KY: variants seen among roughly 807,000 people sequenced by gnomAD.
KY encodes the protein kyphoscoliosis peptidase.
A neutral mutation model predicts 76.1 loss-of-function variants in KY; 43 were observed. The ratio of observed to expected loss-of-function variants is 0.57; its 90% CI spans 0.44 to 0.73. The LOEUF is 0.73. KY is among the 30% of genes least tolerant of loss of function. The probability of loss-of-function intolerance (pLI) is 0.00; values close to 1 mark genes in which losing one functional copy is unlikely to be tolerated. For missense variants in KY, 722 were observed against 828.9 expected (o/e 0.87, Z 1.58); for synonymous variants, 277 against 326.2 (o/e 0.85, Z 1.63).
At chr3:134,635,383 G>A (rs756983154) in intron 3 of KY, among the ~76,000 whole-genome samples, 1 of 150,964 alleles carries the variant, frequency 6.6e-6, no homozygotes, top group Non-Finnish European at 1.5e-5. Flanking sequence ...TGTAACCCCA[G>A]CTACTCGGGA....
intron 3 of KY, among the ~76,000 whole-genome samples, chr3:134,634,326 T>C (rs996599775): frequency 6.6e-6 from 1 of 152,046 alleles, no homozygotes; most frequent in Non-Finnish European, 1.5e-5. Flanking sequence ...ATGGGAGGAC[T>C]CCCACTCTTT....
chr3:134,647,613 G>A, intron 1 of KY, 116 bp from the exon 2 acceptor site: 1 of 614,654 alleles, frequency 1.6e-6, no homozygotes, highest in Non-Finnish European at 2.9e-6. Flanking sequence ...CTTGGAATCT[G>A]AGAGAGGCTA....
chr3:134,640,139 G>A (rs1417585917), intron 3 of KY, among the ~76,000 whole-genome samples: 1 of 151,644 alleles, frequency 6.6e-6, no homozygotes, highest in Non-Finnish European at 1.5e-5. Context: ...TGAAAGAGAG[G>A]CTGAGGAGGA....
intron 3 of KY, among the ~76,000 whole-genome samples, chr3:134,636,164 T>A (rs536839007): frequency 6.6e-6 from 1 of 152,338 alleles, no homozygotes; most frequent in South Asian, 2.1e-4. Context: ...TTCTGAAGTA[T>A]GAATCAAATA....
chr3:134,650,820 G>GT lies in KY; in HGVS notation c.136+4dup, dbSNP rs1966870989. 12 of 1,579,712 alleles carry GT rather than the reference G, an allele frequency of 7.6e-6. No homozygotes were observed. Among genetic ancestry groups the GT allele is most frequent in the Non-Finnish European group, 1.0e-5 (12 of 1,161,020 alleles). On this transcript the variant is annotated splice_donor_region_variant and intron_variant, in intron 1 of 10. Transcript: ENST00000423778. The stretch of plus-strand genomic sequence containing the variant: ...ACCCGGGGACCCGGGTCGGGCGCGC[G>GT]TTACCTCCTCCGCGCTGCAGCAGCG...
chr3:134,603,344 C>T lies in KY; in HGVS notation c.*235G>A, dbSNP rs1323397739. 6.6e-6 allele frequency: 3 copies of T among 457,020 alleles called. No homozygotes were observed. The highest frequency in any genetic ancestry group is 7.7e-6 in the Non-Finnish European group (2 of 258,166). The allele number at this position is 457,020 out of a possible 1,614,324, so 28.3% of individuals were successfully genotyped here. Reference sequence around the variant, plus strand: ...TACAATACCTTAGATTTACATAGCACCTTTTCCTTCTAAAGAGCCACTGCC... The same window carrying T: ...TACAATACCTTAGATTTACATAGCATCTTTTCCTTCTAAAGAGCCACTGCC... On this transcript the variant is annotated 3_prime_UTR_variant, in exon 11 of 11. Transcript: ENST00000423778.
chr3:134,621,476 C>A (rs1232705987), intron 6 of KY, among the ~76,000 whole-genome samples: 1 of 152,212 alleles, frequency 6.6e-6, no homozygotes, highest in Non-Finnish European at 1.5e-5. Flanking sequence ...AAAGAATAGT[C>A]TCTTTTACAA....
Position 134,650,986 on chromosome 3 carries a change from C to T in KY, c.-26G>A, listed in dbSNP as rs1966884936. On this transcript the variant is annotated 5_prime_UTR_variant, in exon 1 of 11. Coordinates refer to ENST00000423778, the MANE Select transcript of KY (RefSeq NM_178554.6). ...GATGCCGCCTCCTTTCCGACCTGGG[C>T]GCCGCGGCCGCACGCTAGGCTGCTT... The T allele has an allele frequency of 6.2e-7, 1 of 1,612,518 alleles. No homozygotes were observed. The highest frequency in any genetic ancestry group is 1.3e-5 in the African/African-American group (1 of 75,014).
At chr3:134,622,975 T>C (rs1962893059) in intron 6 of KY, among the ~76,000 whole-genome samples, 1 of 152,212 alleles carries the variant, frequency 6.6e-6, no homozygotes, top group Non-Finnish European at 1.5e-5. Flanking sequence ...TCTGGACCCC[T>C]GTTCTACTCT....
rs188233679 is a variant in KY at position 134,620,784 on chromosome 3, A to G, written c.557T>C (p.Val186Ala). 3,440 of 1,613,546 alleles carry G rather than the reference A, an allele frequency of 2.1e-3. 5 individuals are homozygous for G. The highest frequency in any genetic ancestry group is 2.6e-3 in the Non-Finnish European group (3,079 of 1,179,728). ...LQEAHTDLER[V>A]RAIWIWICHH... ...GCAGATCCAGATCCAGATGGCGCGGACCCTTTCCAGGTCAGTGTGGGCCTC... is the reference window on the plus strand; with the variant it reads ...GCAGATCCAGATCCAGATGGCGCGGGCCCTTTCCAGGTCAGTGTGGGCCTC... Residue 186 changes from valine (V) to alanine (A), a missense_variant, in exon 7 of 11, where the codon GTC becomes GCC. This residue lies in a region of KY where 552 missense variants were observed against 680.9 expected (regional missense o/e 0.81). Transcript: ENST00000423778.
In KY at chr3:134,650,906, G is replaced by T; in HGVS notation, c.55C>A (p.His19Asn). Residue 19 changes from histidine (H) to asparagine (N), a missense_variant, in exon 1 of 11, where the codon CAC (histidine) becomes AAC (asparagine). Around this residue, in one of 2 missense-constraint regions of KY, gnomAD observed 170 missense variants for 148.1 expected, o/e 1.15. Transcript: ENST00000423778. Reference sequence around the variant, plus strand: ...TGTGCGGCGCGCCGCTTCTCCGAGTGCACGATCAGCAGCATGTCGATAGAT... The same window carrying T: ...TGTGCGGCGCGCCGCTTCTCCGAGTTCACGATCAGCAGCATGTCGATAGAT... ...AVSIDMLLIV[H>N]SEKRRAAQGT... 1 of 1,613,218 alleles carries T rather than the reference G, an allele frequency of 6.2e-7. No individual in the cohort carries two copies. Among genetic ancestry groups the T allele is most frequent in the South Asian group, 1.1e-5 (1 of 91,074 alleles).
chr3:134,650,410 A>G (rs1266333056), intron 1 of KY, among the ~76,000 whole-genome samples: 4 of 152,092 alleles, frequency 2.6e-5, no homozygotes, highest in Admixed American at 6.5e-5. Flanking sequence ...CTCAGCCCAA[A>G]GGTTTCCCAG....
intron 1 of KY, among the ~76,000 whole-genome samples, chr3:134,649,792 A>T (rs10212595): frequency 0.83 from 126,605 of 152,246 alleles, 53,828 homozygotes; most frequent in Non-Finnish European, 0.91. Context: ...AGCATTACTT[A>T]AGCAAGGCAG....
At chr3:134,635,176 A>G (rs1451730930) in intron 3 of KY, among the ~76,000 whole-genome samples, 1 of 152,224 alleles carries the variant, frequency 6.6e-6, no homozygotes, top group Non-Finnish European at 1.5e-5. Flanking sequence ...GTGAATGGAT[A>G]AACAACCTGT....
chr3:134,618,032 G>A (rs1961888705), intron 8 of KY, among the ~76,000 whole-genome samples: 1 of 152,098 alleles, frequency 6.6e-6, no homozygotes, highest in Admixed American at 6.5e-5. Flanking sequence ...AGCCTGGGTG[G>A]CATATTCTGT....
At chr3:134,612,802 G>A (rs1251332144) in intron 8 of KY, among the ~76,000 whole-genome samples, 1 of 98,424 alleles carries the variant, frequency 1.0e-5, no homozygotes, top group East Asian at 4.8e-4. Context: ...TGTGTTGCCT[G>A]CATGCACAGA....
intron 8 of KY, chr3:134,612,967 A>G (rs1296325945): frequency 1.3e-5 from 2 of 153,040 alleles, no homozygotes; most frequent in Non-Finnish European, 1.5e-5. Context: ...AGAATTGGAA[A>G]AAAAGCCATA....
At chr3:134,612,360 C>T (rs986231415) in intron 8 of KY, among the ~76,000 whole-genome samples, 10 of 152,102 alleles carry the variant, frequency 6.6e-5, no homozygotes, top group African/African-American at 2.4e-4. Flanking sequence ...GCTGAGGAGA[C>T]CGTGGAAGGA....
At position 134,608,720 on chromosome 3, in the gene KY, A is replaced by G. The variant is rs1959718321; in HGVS notation, c.1019T>C (p.Met340Thr). ...PQSLRQFENN[M>T]YHKSEFYNKG... ...GTTGTAGAATTCACTCTTGTGATAC[A>G]TGTTGTTCTCAAACTGCCTCAGAGA... Residue 340 changes from methionine (M) to threonine (T), a missense_variant, in exon 10 of 11, where the codon ATG becomes ACG. Met to Thr is a moderately conservative substitution (Grantham distance 81). Transcript: ENST00000423778. 4 of 1,613,924 alleles carry G rather than the reference A, an allele frequency of 2.5e-6. No homozygotes were observed. Among genetic ancestry groups the G allele is most frequent in the East Asian group, 4.5e-5 (2 of 44,898 alleles).
Sources: allele counts gnomAD v4.1 joint callset (sites outside exome capture counted in the v4.1 genomes callset), GRCh38; gene constraint gnomAD v4.1.1; regional missense constraint gnomAD v4.1.1; transcripts MANE v1.5; gene names NCBI Gene and HGNC (gene_info 2026-07-23, HGNC 2026-07-21).